KCTD16: variants seen among roughly 807,000 people sequenced by gnomAD.
KCTD16 encodes BTB/POZ domain-containing protein KCTD16.
Under a neutral mutation model 33.2 loss-of-function variants are expected in KCTD16, and 13 were observed. That is an observed-to-expected ratio of 0.39 (90% CI 0.25 to 0.62). The LOEUF (loss-of-function observed/expected upper bound fraction) is 0.62. KCTD16 is among the 20% of genes least tolerant of loss of function. The pLI is 0.50. For synonymous variants in KCTD16, 197 were observed against 195.3 expected, an observed-to-expected ratio of 1.01 and a Z score of -0.07; for missense variants, 441 against 525.1, an observed-to-expected ratio of 0.84 and a Z score of 1.57.
chr5:144,267,168 G>A (rs1257627488), intron 3 of KCTD16, among the ~76,000 whole-genome samples: 1 of 152,216 alleles, frequency 6.6e-6, no homozygotes, highest in East Asian at 1.9e-4. Context: ...GTTCCTTACA[G>A]AAGATGAATA....
intron 3 of KCTD16, among the ~76,000 whole-genome samples, chr5:144,252,402 A>G (rs540071688): frequency 2.9e-4 from 44 of 152,316 alleles, no homozygotes; most frequent in Non-Finnish European, 6.2e-4. Flanking sequence ...AAATATTTCA[A>G]TCTGCCATTA....
At chr5:144,189,005 G>A (rs994127059) in intron 2 of KCTD16, among the ~76,000 whole-genome samples, 2 of 152,182 alleles carry the variant, frequency 1.3e-5, no homozygotes, top group African/African-American at 4.8e-5. Flanking sequence ...AGTAGCACCA[G>A]TAATTTGCAA....
At chr5:144,347,942 A>G (rs981073884) in intron 3 of KCTD16, among the ~76,000 whole-genome samples, 1 of 152,140 alleles carries the variant, frequency 6.6e-6, no homozygotes, top group African/African-American at 2.4e-5. Context: ...CTCATGTCCT[A>G]GTGCCTCCAG....
At chr5:144,203,584 A>G (rs1235817329) in intron 2 of KCTD16, among the ~76,000 whole-genome samples, 1 of 152,178 alleles carries the variant, frequency 6.6e-6, no homozygotes, top group Non-Finnish European at 1.5e-5. Context: ...TTTTAGCTCT[A>G]AAAGATTATA....
At chr5:144,342,544 T>C (rs1242738512) in intron 3 of KCTD16, among the ~76,000 whole-genome samples, 1 of 152,206 alleles carries the variant, frequency 6.6e-6, no homozygotes, top group Admixed American at 6.5e-5. Context: ...TTTGACTTCC[T>C]CTTTTCCTAA....
At chr5:144,223,978 T>C (rs1753847063) in intron 3 of KCTD16, among the ~76,000 whole-genome samples, 1 of 152,162 alleles carries the variant, frequency 6.6e-6, no homozygotes, top group South Asian at 2.1e-4. Context: ...CCAGATGTTC[T>C]AAATAAAAGG....
intron 3 of KCTD16, among the ~76,000 whole-genome samples, chr5:144,228,098 C>A (rs1384611043): frequency 6.6e-6 from 1 of 152,004 alleles, no homozygotes; most frequent in African/African-American, 2.4e-5. Context: ...GGAGTCATCA[C>A]CATGTAGAAT....
At chr5:144,261,167 C>CAAA (rs1299878040) in intron 3 of KCTD16, among the ~76,000 whole-genome samples, 301 of 77,798 alleles carry the variant, frequency 3.9e-3, no homozygotes, top group East Asian at 9.0e-3. Context: ...GGAACAACAA[C>CAAA]AAAAAAAAAA....
At chr5:144,211,746 C>A (rs1040026792) in intron 3 of KCTD16, among the ~76,000 whole-genome samples, 2 of 152,202 alleles carry the variant, frequency 1.3e-5, no homozygotes, top group African/African-American at 4.8e-5. Context: ...ATGGTATTGG[C>A]ACATTCAAAG....
In KCTD16 at chr5:144,342,139, G is replaced by A. The variant is rs200565088; in HGVS notation, c.833-131521G>A. Among the ~76,000 whole-genome samples the A allele has an allele frequency of 3.3e-4, 50 of 152,100 alleles. 2 individuals are homozygous for A. In the East Asian group the frequency reaches 8.5e-3, roughly 26 times the overall value. On this transcript the variant is annotated intron_variant, in intron 3 of 3. Coordinates refer to ENST00000512467, the MANE Select transcript of KCTD16 (RefSeq NM_020768.4). Reference sequence around the variant, plus strand: ...AGTCATTGGTAGCTTGATGGGGATGGCATTGAATCTATAAATTACCTTGGG... The same window carrying A: ...AGTCATTGGTAGCTTGATGGGGATGACATTGAATCTATAAATTACCTTGGG...
chr5:144,451,106 T>C (rs550244040), intron 3 of KCTD16, among the ~76,000 whole-genome samples: 2 of 152,260 alleles, frequency 1.3e-5, no homozygotes, highest in Admixed American at 6.6e-5. Context: ...TACTTCAATA[T>C]TAAAAATATT....
chr5:144,376,292 T>A (rs1297410993), intron 3 of KCTD16, among the ~76,000 whole-genome samples: 1 of 152,194 alleles, frequency 6.6e-6, no homozygotes. Flanking sequence ...GTATACTTTA[T>A]TTATGAAAGG....
intron 3 of KCTD16, among the ~76,000 whole-genome samples, chr5:144,295,373 A>C (rs937541462): frequency 1.3e-5 from 2 of 152,212 alleles, no homozygotes; most frequent in African/African-American, 4.8e-5. Flanking sequence ...ATAATGAATT[A>C]AGAGTTTTCC....
chr5:144,387,827 A>C (rs1752358622), intron 3 of KCTD16, among the ~76,000 whole-genome samples: 1 of 152,150 alleles, frequency 6.6e-6, no homozygotes, highest in Admixed American at 6.5e-5. Flanking sequence ...TAGGCACTTT[A>C]GCAACAACCC....
intron 3 of KCTD16, among the ~76,000 whole-genome samples, chr5:144,471,987 T>C (rs1225077597): frequency 6.6e-6 from 1 of 152,218 alleles, no homozygotes; most frequent in Admixed American, 6.5e-5. Flanking sequence ...TCATTTAATA[T>C]GTAAAGAACA....
chr5:144,226,619 C>A (rs942451770), intron 3 of KCTD16, among the ~76,000 whole-genome samples: 1 of 151,586 alleles, frequency 6.6e-6, no homozygotes, highest in African/African-American at 2.4e-5. Flanking sequence ...ATTACCCAGG[C>A]TGAAGTGCAG....
At position 144,301,711 on chromosome 5, in the gene KCTD16, A is replaced by C. The variant is rs189194808; in HGVS notation, c.832+94165A>C. Reference sequence around the variant, plus strand: ...ACAACATGGAAATTACCACTTTGCTAATCAACCCATGAACAAAAAAGTGTC... The same window carrying C: ...ACAACATGGAAATTACCACTTTGCTCATCAACCCATGAACAAAAAAGTGTC... On this transcript the variant is annotated intron_variant, in intron 3 of 3. Coordinates refer to ENST00000512467, the MANE Select transcript of KCTD16 (RefSeq NM_020768.4). Among the ~76,000 whole-genome samples, 434 of 152,338 alleles carry C rather than the reference A, an allele frequency of 2.8e-3. 1 individual carries two copies. Among genetic ancestry groups the C allele is most frequent in the Admixed American group, 4.4e-3 (67 of 15,300 alleles).
intron 3 of KCTD16, among the ~76,000 whole-genome samples, chr5:144,307,672 A>C (rs1217500068): frequency 6.6e-6 from 1 of 152,194 alleles, no homozygotes; most frequent in Non-Finnish European, 1.5e-5. Flanking sequence ...ACTAGTCTAG[A>C]ATGCTGCCTC....
At chr5:144,382,275 G>C (rs758622066) in intron 3 of KCTD16, among the ~76,000 whole-genome samples, 22 of 151,946 alleles carry the variant, frequency 1.4e-4, no homozygotes, top group Non-Finnish European at 2.2e-4. Flanking sequence ...GAGGGTGAAG[G>C]TACTCTTTAG....
Sources: gnomAD v4.1 joint callset for allele counts (sites outside exome capture counted in the v4.1 genomes callset) on GRCh38, gnomAD v4.1.1 for gene constraint, MANE v1.5 for transcripts, NCBI Gene and HGNC (gene_info 2026-07-23, HGNC 2026-07-21) for gene names.